AKAP8: variants seen among roughly 807,000 people sequenced by gnomAD.
The protein encoded by AKAP8 is A-kinase anchoring protein 8.
A neutral mutation model predicts 67.5 loss-of-function variants in AKAP8; 24 were observed. The ratio of observed to expected loss-of-function variants is 0.36; its 90% CI spans 0.26 to 0.50. The LOEUF is 0.50. Ranked by LOEUF, AKAP8 falls within the 20% of genes least tolerant of loss-of-function variation. AKAP8 has a pLI of 0.97. For synonymous variants in AKAP8, 400 were observed against 371.1 expected, an observed-to-expected ratio of 1.08 and a Z score of -0.90; for missense variants, 971 against 955.9, an observed-to-expected ratio of 1.02 and a Z score of -0.21.
rs1342998140 is a variant in AKAP8 at position 15,354,790 on chromosome 19, C to T, written c.*125G>A. ...CACTGCTCAGGAGGAAACGCTGGGT[C>T]TCTTCACCAAAATTAGATTACAGCA... On this transcript the variant is annotated 3_prime_UTR_variant, in exon 14 of 14. Transcript: ENST00000269701. The T allele has an allele frequency of 1.7e-6, 2 of 1,166,458 alleles. No homozygotes were observed. The highest frequency in any genetic ancestry group is 2.4e-6 in the Non-Finnish European group (2 of 830,136). The allele number at this position is 1,166,458 out of a possible 1,614,324, so 72.3% of individuals were successfully genotyped here. A position where few individuals can be genotyped will look rare whatever the true frequency, so the allele number is the denominator to read the frequency against.
intron 11 of AKAP8, 37 bp from the exon 12 acceptor site, chr19:15,361,015 G>GC (rs1568423925): frequency 1.3e-6 from 2 of 1,599,040 alleles, no homozygotes; most frequent in Non-Finnish European, 1.7e-6. Context: ...ATCTGGGACA[G>GC]CAAGTGATGC....
chr19:15,359,527 C>T (rs1966930889), intron 12 of AKAP8, among the ~76,000 whole-genome samples: 1 of 151,914 alleles, frequency 6.6e-6, no homozygotes, highest in Admixed American at 6.6e-5. Context: ...CGAGACAAGC[C>T]TGGCCATCAT....
chr19:15,355,239 T>A lies in AKAP8; in HGVS notation c.1755A>T (p.Ala585=). The A allele has an allele frequency of 6.2e-7, 1 of 1,611,930 alleles. No homozygotes were observed. The highest frequency in any genetic ancestry group is 8.5e-7 in the Non-Finnish European group (1 of 1,180,030). Residue 585 remains alanine, a synonymous_variant, in exon 14 of 14, where the codon GCA becomes GCT. Transcript: ENST00000269701. ...CTCCTTCCCCATCTACGGCCCTCAC[T>A]GCTGCTGTAATCACCTCTGCTAAGA... is the stretch of plus-strand genomic sequence containing the variant. The part of the protein sequence containing the change: ...ADVLAEVITA[A]VRAVDGEGAP...
intron 2 of AKAP8, among the ~76,000 whole-genome samples, chr19:15,375,248 T>C (rs12611023): frequency 0.82 from 124,472 of 152,188 alleles, 51,387 homozygotes; most frequent in East Asian, 0.99. Context: ...ATGCACTGGT[T>C]CGCCACACAA....
chr19:15,377,267 C>A (rs1043450403), intron 1 of AKAP8, among the ~76,000 whole-genome samples: 1 of 152,090 alleles, frequency 6.6e-6, no homozygotes, highest in Non-Finnish European at 1.5e-5. Context: ...TGCAGAGGGA[C>A]CTTGGCCAAG....
intron 1 of AKAP8, chr19:15,379,412 A>G: frequency 5.3e-6 from 2 of 378,908 alleles, no homozygotes; most frequent in Non-Finnish European, 4.7e-6. Flanking sequence ...GCCGAAGGTG[A>G]GGGGCAAAAA....
chr19:15,355,354 G>A lies in AKAP8; in HGVS notation c.1640C>T (p.Thr547Ile), dbSNP rs1180884860. Residue 547 changes from threonine (T) to isoleucine (I), a missense_variant, in exon 14 of 14, where the codon ACC becomes ATC. Transcript: ENST00000269701. ...EKYLKGEDPF[T>I]SETVDPEMEG... ...CATTTCTGGATCAACAGTTTCACTG[G>A]TGAAAGGGTCCTCACCCTGGCCAAA... The A allele has an allele frequency of 6.2e-7, 1 of 1,613,094 alleles. No individual in the cohort carries two copies. The highest frequency in any genetic ancestry group is 1.3e-5 in the African/African-American group (1 of 74,916).
chr19:15,377,522 G>A (rs1224910028), intron 1 of AKAP8, among the ~76,000 whole-genome samples: 2 of 152,174 alleles, frequency 1.3e-5, no homozygotes, highest in Admixed American at 1.3e-4. Context: ...AGGTTAGAGC[G>A]CAGTGCCGCG....
At chr19:15,355,518 A>C in intron 13 of AKAP8, 148 bp from the exon 14 acceptor site, 3 of 783,994 alleles carry the variant, frequency 3.8e-6, no homozygotes, top group Non-Finnish European at 5.9e-6. Context: ...ACATGTTCTC[A>C]GAGCCTACAG....
At chr19:15,372,100 A>C (rs1402343880) in intron 6 of AKAP8, 102 bp from the exon 7 acceptor site, 2 of 1,608,444 alleles carry the variant, frequency 1.2e-6, no homozygotes, top group Non-Finnish European at 1.7e-6. Flanking sequence ...CCCTGACCAC[A>C]GTGGGGTTGA....
chr19:15,367,107 A>G (rs1967083442), intron 9 of AKAP8, among the ~76,000 whole-genome samples: 1 of 152,200 alleles, frequency 6.6e-6, no homozygotes, highest in Non-Finnish European at 1.5e-5. Flanking sequence ...GGGTTTCACC[A>G]TATTGACCAG....
intron 12 of AKAP8, 33 bp downstream of exon 12, chr19:15,360,815 A>G: frequency 1.3e-6 from 2 of 1,599,164 alleles, no homozygotes. Context: ...CCCTGCAATG[A>G]GCACCCCAGG....
chr19:15,366,232 G>A lies in AKAP8; in HGVS notation c.1160+2003C>T, dbSNP rs993129134. ...TCTCCCAGTACTCTGGGAGGCCAACGCAGGAAGATCTCTTGAGGCTAGTTC... is the reference window on the plus strand; with the variant it reads ...TCTCCCAGTACTCTGGGAGGCCAACACAGGAAGATCTCTTGAGGCTAGTTC... On this transcript the variant is annotated intron_variant, in intron 9 of 13. Coordinates refer to ENST00000269701, the MANE Select transcript of AKAP8 (RefSeq NM_005858.4). 6.7e-5 allele frequency among the ~76,000 whole-genome samples: 10 copies of A among 148,290 alleles called. 1 individual carries two copies. In the East Asian group the frequency reaches 1.2e-3, roughly 18 times the overall value.
At chr19:15,371,803 T>C (rs1239191097) in intron 7 of AKAP8, 149 bp downstream of exon 7, 8 of 900,044 alleles carry the variant, frequency 8.9e-6, no homozygotes, top group Middle Eastern at 4.6e-4. Flanking sequence ...GGAAAACTTT[T>C]AGAAATCTAG....
At chr19:15,378,422 C>T (rs1035799148) in intron 1 of AKAP8, among the ~76,000 whole-genome samples, 4 of 151,998 alleles carry the variant, frequency 2.6e-5, no homozygotes, top group African/African-American at 9.7e-5. Context: ...GAAAGGTTTT[C>T]GGCAGGTAGG....
At chr19:15,371,479 G>T (rs1354053787) in intron 7 of AKAP8, among the ~76,000 whole-genome samples, 4 of 151,784 alleles carry the variant, frequency 2.6e-5, no homozygotes, top group Middle Eastern at 3.2e-3. Flanking sequence ...AATGTTTGTT[G>T]TAAGTTGAAA....
Position 15,372,157 on chromosome 19 carries a change from C to T in AKAP8, c.991+61G>A, listed in dbSNP as rs887729316. On this transcript the variant is annotated intron_variant, in intron 6 of 13. Transcript: ENST00000269701. The stretch of plus-strand genomic sequence containing the variant: ...CACGACACAGATGGGGCAAGCAGAG[C>T]CCCCAGCAGGCAGCCGACCCATCCT... 3.1e-6 allele frequency: 5 copies of T among 1,608,408 alleles called. No homozygotes were observed. The African/African-American group carries it at 5.3e-5, about 17-fold the overall frequency.
At chr19:15,361,684 C>A (rs138355044) in intron 11 of AKAP8, 45 bp downstream of exon 11, 17 of 1,549,596 alleles carry the variant, frequency 1.1e-5, no homozygotes, top group Non-Finnish European at 1.4e-5. Flanking sequence ...TGTCACATGC[C>A]TTACTACCAT....
At chr19:15,367,152 C>T (rs1412687832) in intron 9 of AKAP8, among the ~76,000 whole-genome samples, 1 of 152,236 alleles carries the variant, frequency 6.6e-6, no homozygotes, top group Admixed American at 6.5e-5. Flanking sequence ...AGCGATCCGC[C>T]AGCTCAGCCT....
Sources: gnomAD v4.1 joint callset for allele counts (sites outside exome capture counted in the v4.1 genomes callset) on GRCh38, gnomAD v4.1.1 for gene constraint, MANE v1.5 for transcripts, NCBI Gene and HGNC (gene_info 2026-07-23, HGNC 2026-07-21) for gene names.